Variants in HSPA14 observed in about 807,000 individuals in gnomAD.
HSPA14 encodes heat shock protein family A (Hsp70) member 14, also known as heat shock 70 kDa protein 14.
In HSPA14, 37 loss-of-function variants were observed where a neutral mutation model predicts 65.5. That is an observed-to-expected ratio of 0.56 (90% CI 0.43 to 0.74). HSPA14 has a LOEUF of 0.74. HSPA14 is among the 30% of genes least tolerant of loss of function. The probability of loss-of-function intolerance (pLI) is 0.00; values close to 1 mark genes in which losing one functional copy is unlikely to be tolerated. For missense variants in HSPA14, 564 were observed against 607.6 expected (o/e 0.93, Z 0.75); for synonymous variants, 203 against 214.2 (o/e 0.95, Z 0.46).
In HSPA14 at chr10:14,842,445, G is replaced by C. The variant is rs551346782; in HGVS notation, c.221+2288G>C. ...GTGTCTAAGCGAATGCAGCAGGAGG[G>C]CTTCCGCCGCACCGAACGTCAGTGC... On this transcript the variant is annotated intron_variant, in intron 3 of 13. Coordinates refer to ENST00000378372, the MANE Select transcript of HSPA14 (RefSeq NM_016299.4). The surrounding 1 kb of genome is among the most constrained non-coding windows in gnomAD (Gnocchi z 5.2). The C allele has an allele frequency of 6.5e-5, 100 of 1,536,046 alleles. No individual in the cohort carries two copies. Among genetic ancestry groups the C allele is most frequent in the Non-Finnish European group, 8.3e-5 (95 of 1,146,932 alleles).
chr10:14,845,133 A>G, intron 3 of HSPA14: 2 of 985,144 alleles, frequency 2.0e-6, no homozygotes, highest in Non-Finnish European at 2.4e-6. Context: ...CCCCAGACAC[A>G]CACTGGGGAG....
At chr10:14,853,416 A>G (rs140941530) in intron 8 of HSPA14, among the ~76,000 whole-genome samples, 3 of 152,338 alleles carry the variant, frequency 2.0e-5, no homozygotes, top group African/African-American at 7.2e-5. Flanking sequence ...CTGTGATTAT[A>G]AAGGGTAAAA....
At chr10:14,840,281 AT>A in intron 3 of HSPA14, 124 bp downstream of exon 3, 1 of 386,010 alleles carries the variant, frequency 2.6e-6, no homozygotes, top group Non-Finnish European at 4.6e-6. Context: ...TGACTGAGTC[AT>A]TACAGAGAGT....
chr10:14,851,175 G>T lies in HSPA14; in HGVS notation c.468-44G>T. Reference sequence around the variant, plus strand: ...AGATCATTTCTAAAAATGTAGAATTGAACATGTGATAAATTAAATTCATTG... The same window carrying T: ...AGATCATTTCTAAAAATGTAGAATTTAACATGTGATAAATTAAATTCATTG... On this transcript the variant is annotated intron_variant, in intron 6 of 13. Coordinates refer to ENST00000378372, the MANE Select transcript of HSPA14 (RefSeq NM_016299.4). The T allele has an allele frequency of 3.9e-6, 4 of 1,032,646 alleles. No homozygotes were observed. The South Asian group carries it at 5.5e-5, about 14-fold the overall frequency. The allele number at this position is 1,032,646 out of a possible 1,614,324, so 64.0% of individuals were successfully genotyped here.
chr10:14,848,561 C>T lies in HSPA14; in HGVS notation c.222-48C>T, dbSNP rs756187884. ...GTCTTCTCTAAACTTTATATATCTACAATACTGATTTTAATACTTAGCTAT... is the reference window on the plus strand; with the variant it reads ...GTCTTCTCTAAACTTTATATATCTATAATACTGATTTTAATACTTAGCTAT... On this transcript the variant is annotated intron_variant, in intron 3 of 13. Coordinates refer to ENST00000378372, the MANE Select transcript of HSPA14 (RefSeq NM_016299.4). 11 of 1,382,870 alleles carry T rather than the reference C, an allele frequency of 8.0e-6. No homozygotes were observed. In the South Asian group the frequency reaches 1.3e-4, roughly 17 times the overall value. The allele number at this position is 1,382,870 out of a possible 1,614,324, so 85.7% of individuals were successfully genotyped here.
At chr10:14,843,829 A>G (rs1467984302) in intron 3 of HSPA14, 2 of 1,536,412 alleles carry the variant, frequency 1.3e-6, no homozygotes, top group Non-Finnish European at 1.7e-6. Context: ...GGAAGAGGCA[A>G]CTGGTGCTTT....
chr10:14,844,986 T>C, intron 3 of HSPA14: 3 of 985,476 alleles, frequency 3.0e-6, no homozygotes, highest in Non-Finnish European at 3.6e-6. Flanking sequence ...TTTATGTAGT[T>C]AATGGCATCT....
chr10:14,859,736 A>C (rs1449339185), intron 10 of HSPA14, among the ~76,000 whole-genome samples: 1 of 152,250 alleles, frequency 6.6e-6, no homozygotes, highest in South Asian at 2.1e-4. Flanking sequence ...GATAAAATTC[A>C]GGAGTAAATC....
At chr10:14,863,354 G>A (rs1465802876) in intron 10 of HSPA14, among the ~76,000 whole-genome samples, 6 of 152,158 alleles carry the variant, frequency 3.9e-5, no homozygotes, top group African/African-American at 1.2e-4. Flanking sequence ...TGGTCTTAAA[G>A]GAGTGCCTTA....
In HSPA14 at chr10:14,842,127, C is replaced by T. The variant is rs1176163302; in HGVS notation, c.221+1970C>T. 10 of 1,530,716 alleles carry T rather than the reference C, an allele frequency of 6.5e-6. No homozygotes were observed. In the Admixed American group the frequency reaches 2.0e-4, roughly 30 times the overall value. 94.8% of individuals were successfully genotyped at this position (1,530,716 alleles called of 1,614,324 possible). ...CCTGTAACTCTCATTCCCCTGTGGC[C>T]TTCCAGCCAGAAATGCGGTCCTTGG... On this transcript the variant is annotated intron_variant, in intron 3 of 13. Coordinates refer to ENST00000378372, the MANE Select transcript of HSPA14 (RefSeq NM_016299.4). The surrounding 1 kb of genome is among the most constrained non-coding windows in gnomAD (Gnocchi z 5.2).
At chr10:14,839,585 A>G (rs1200799558) in intron 1 of HSPA14, among the ~76,000 whole-genome samples, 2 of 152,102 alleles carry the variant, frequency 1.3e-5, no homozygotes, top group Non-Finnish European at 2.9e-5. Flanking sequence ...AAAAAAAAAA[A>G]AAGAAATGGT....
chr10:14,862,975 C>T (rs1018100246), intron 10 of HSPA14, among the ~76,000 whole-genome samples: 4 of 152,142 alleles, frequency 2.6e-5, no homozygotes, highest in South Asian at 2.1e-4. Context: ...TGAGCCACTG[C>T]GCTTGGCCTT....
Position 14,867,109 on chromosome 10 carries a change from A to G in HSPA14, c.1020A>G (p.Arg340=). The part of the protein sequence containing the change: ...NKVVLCGGSS[R]IPKLQQLIKD... ...TTGTCCTTTGTGGAGGGTCTTCTCG[A>G]ATCCCAAAGCTACAGCAACTGATTA... is the stretch of plus-strand genomic sequence containing the variant. Residue 340 remains arginine (R), a synonymous_variant, in exon 11 of 14, where the codon CGA becomes CGG. Coordinates refer to ENST00000378372, the MANE Select transcript of HSPA14 (RefSeq NM_016299.4). 1.2e-6 allele frequency: 2 copies of G among 1,613,580 alleles called. No individual in the cohort carries two copies. Among genetic ancestry groups the G allele is most frequent in the Non-Finnish European group, 1.7e-6 (2 of 1,179,606 alleles).
chr10:14,864,172 T>A (rs1014707828), intron 10 of HSPA14, among the ~76,000 whole-genome samples: 1 of 144,920 alleles, frequency 6.9e-6, no homozygotes, highest in Non-Finnish European at 1.5e-5. Context: ...GAGGCTGCAG[T>A]GAGCTATGAC....
intron 5 of HSPA14, 32 bp from the exon 6 acceptor site, chr10:14,849,689 G>A: frequency 1.4e-6 from 2 of 1,441,032 alleles, no homozygotes; most frequent in South Asian, 1.2e-5. Context: ...ATTTTCTTCT[G>A]TCATCAGAAT....
In HSPA14 at chr10:14,866,050, CCTAGGTATACCACTTG is replaced by C. The variant is rs545024018; in HGVS notation, c.994-1029_994-1014del. Among the ~76,000 whole-genome samples the C allele has an allele frequency of 5.9e-5, 9 of 152,190 alleles. No homozygotes were observed. The South Asian group carries it at 1.9e-3, about 32-fold the overall frequency. On this transcript the variant is annotated intron_variant, in intron 10 of 13. Transcript: ENST00000378372. ...CTTCACATCCCTTGTAAGTTGGATT[CCTAGGTATACCACTTG>C]CTACTTATTAATAAAGCTTTTTTGA...
At position 14,842,641 on chromosome 10, in the gene HSPA14, G is replaced by A; in HGVS notation, c.221+2484G>A. On this transcript the variant is annotated intron_variant, in intron 3 of 13. Coordinates refer to ENST00000378372, the MANE Select transcript of HSPA14 (RefSeq NM_016299.4). This position sits in a 1 kb window ranked among gnomAD's most constrained non-coding sequence, Gnocchi z 5.2. ...TAATGGAGGATGCTGCTTGGGCCAA[G>A]CACTGTGATCAGAACTTAGTGGCCT... The A allele has an allele frequency of 6.5e-7, 1 of 1,536,212 alleles. No homozygotes were observed. Among genetic ancestry groups the A allele is most frequent in the Non-Finnish European group, 8.7e-7 (1 of 1,146,938 alleles).
chr10:14,839,995 C>A lies in HSPA14; in HGVS notation c.138+10C>A. 1 of 1,595,588 alleles carries A rather than the reference C, an allele frequency of 6.3e-7. No individual in the cohort carries two copies. Among genetic ancestry groups the A allele is most frequent in the Non-Finnish European group, 8.6e-7 (1 of 1,167,358 alleles). On this transcript the variant is annotated intron_variant, in intron 2 of 13. Coordinates refer to ENST00000378372, the MANE Select transcript of HSPA14 (RefSeq NM_016299.4). ...CTCAGAAAATGAAGAGGTACTAGTC[C>A]CCCCATTTTTGTACTTCTGAAATAA...
rs528684405 is a variant in HSPA14, at chr10:14,862,987, T to A, written c.994-4096T>A. On this transcript the variant is annotated intron_variant, in intron 10 of 13. Coordinates refer to ENST00000378372, the MANE Select transcript of HSPA14 (RefSeq NM_016299.4). ...GTGTGAGCCACTGCGCTTGGCCTTT[T>A]CTATTTTTAAAGGCGTTTTAATATG... 2.6e-5 allele frequency among the ~76,000 whole-genome samples: 4 copies of A among 152,328 alleles called. No homozygotes were observed. The South Asian group carries it at 6.2e-4, about 24-fold the overall frequency.
Sources: gnomAD v4.1 joint callset for allele counts (sites outside exome capture counted in the v4.1 genomes callset) on GRCh38, gnomAD v4.1.1 for gene constraint, Gnocchi (gnomAD v3.1) non-coding constraint, MANE v1.5 for transcripts, NCBI Gene and HGNC (gene_info 2026-07-23, HGNC 2026-07-21) for gene names.